Variants in PKIB observed in about 807,000 individuals in gnomAD.
The protein encoded by PKIB is cAMP-dependent protein kinase inhibitor beta.
A neutral mutation model predicts 4.5 loss-of-function variants in PKIB; 2 were observed. That is an observed-to-expected ratio of 0.44 (90% CI 0.18 to 1.39). PKIB has a LOEUF of 1.39. Ranked by LOEUF, PKIB falls within the 40% of genes most tolerant of loss-of-function variation. The pLI, the probability that PKIB is intolerant of heterozygous loss-of-function variation, is 0.27. For missense variants in PKIB, 94 were observed against 92.6 expected (o/e 1.02, Z -0.06); for synonymous variants, 38 against 36.0 (o/e 1.06, Z -0.20).
intron 2 of PKIB, among the ~76,000 whole-genome samples, chr6:122,548,947 G>A (rs1283217106): frequency 6.6e-6 from 1 of 152,138 alleles, no homozygotes; most frequent in African/African-American, 2.4e-5. Flanking sequence ...TCATGTTCTA[G>A]CACACATCCA....
At chr6:122,704,236 CA>C (rs1465482990) in intron 3 of PKIB, among the ~76,000 whole-genome samples, 3 of 151,956 alleles carry the variant, frequency 2.0e-5, no homozygotes, top group African/African-American at 7.2e-5. Flanking sequence ...GTGGCCCGCC[CA>C]TATTGAGAAG....
At chr6:122,689,247 T>C (rs1346588820) in intron 3 of PKIB, among the ~76,000 whole-genome samples, 1 of 152,206 alleles carries the variant, frequency 6.6e-6, no homozygotes, top group Non-Finnish European at 1.5e-5. Context: ...GTGTTATTTC[T>C]TCATTTCAAT....
chr6:122,634,793 T>G (rs573421489), intron 2 of PKIB, among the ~76,000 whole-genome samples: 1 of 152,020 alleles, frequency 6.6e-6, no homozygotes, highest in East Asian at 1.9e-4. Context: ...TACAAAAAAA[T>G]TAGCCGGGTG....
chr6:122,587,561 C>G (rs1027847901), intron 3 of PKIB, among the ~76,000 whole-genome samples: 1 of 152,058 alleles, frequency 6.6e-6, no homozygotes, highest in Non-Finnish European at 1.5e-5. Flanking sequence ...ATGGCTGGGT[C>G]GAATGGTATT....
intron 2 of PKIB, among the ~76,000 whole-genome samples, chr6:122,547,490 C>G (rs1772530319): frequency 1.3e-5 from 2 of 152,038 alleles, no homozygotes; most frequent in Non-Finnish European, 2.9e-5. Context: ...CGCCCGCCAC[C>G]AAGCCCAGCT....
chr6:122,657,707 G>A (rs982506431), intron 2 of PKIB, among the ~76,000 whole-genome samples: 5 of 152,130 alleles, frequency 3.3e-5, no homozygotes, highest in African/African-American at 1.2e-4. Flanking sequence ...GTTGATATTT[G>A]TTGCTCTTTT....
At chr6:122,568,296 G>A (rs1008867927) in intron 2 of PKIB, among the ~76,000 whole-genome samples, 3 of 152,144 alleles carry the variant, frequency 2.0e-5, no homozygotes, top group African/African-American at 7.2e-5. Flanking sequence ...CCAAGAACCA[G>A]TGCAGGAATT....
rs1301610511 is a variant in PKIB, at chr6:122,562,002, T to G, written c.-247-23919T>G. 4.3e-4 allele frequency among the ~76,000 whole-genome samples: 57 copies of G among 131,212 alleles called. 4 individuals carry two copies. Among genetic ancestry groups the G allele is most frequent in the African/African-American group, 1.8e-3 (54 of 29,338 alleles). 86.1% of individuals were successfully genotyped at this position (131,212 alleles called of 152,430 possible). A position where few individuals can be genotyped will look rare whatever the true frequency, so the allele number is the denominator to read the frequency against. On this transcript the variant is annotated intron_variant, in intron 2 of 6. Coordinates refer to the PKIB transcript ENST00000392491. ...TTTTTTTGTTTGTTTTTGTTTTTTT[T>G]TGTTTTTTTTTTTTTTTGCTTTTTA... is the stretch of plus-strand genomic sequence containing the variant.
intron 1 of PKIB, among the ~76,000 whole-genome samples, chr6:122,613,954 T>A (rs1774874471): frequency 2.4e-5 from 2 of 84,106 alleles, no homozygotes; most frequent in Non-Finnish European, 2.4e-5. Context: ...AGAGTGAGAC[T>A]CCATCAAAAA....
At chr6:122,544,751 A>G (rs1291022221) in intron 2 of PKIB, among the ~76,000 whole-genome samples, 3 of 152,232 alleles carry the variant, frequency 2.0e-5, no homozygotes, top group East Asian at 1.9e-4. Context: ...GTATCTGTCA[A>G]TGGTCTAATA....
At position 122,692,109 on chromosome 6, in the gene PKIB, C is replaced by T. The variant is rs564527073; in HGVS notation, c.-9+16965C>T. Among the ~76,000 whole-genome samples, 57 of 152,354 alleles carry T rather than the reference C, an allele frequency of 3.7e-4. 1 individual carries two copies. Among genetic ancestry groups the T allele is most frequent in the African/African-American group, 3.8e-4 (16 of 41,586 alleles). ...AAGGGTGACACAAGCACCCCTGTGA[C>T]CACCAGTGCTGGGACTGCTCTGGGT... On this transcript the variant is annotated intron_variant, in intron 3 of 4. Coordinates refer to ENST00000368452, the MANE Select transcript of PKIB (RefSeq NM_181795.3).
chr6:122,511,768 A>T (rs773246159), intron 2 of PKIB, among the ~76,000 whole-genome samples: 5 of 152,262 alleles, frequency 3.3e-5, no homozygotes, highest in African/African-American at 4.8e-5. Context: ...GCAGTACGTC[A>T]TAGGCGTAAT....
chr6:122,678,849 A>G (rs913518772), intron 3 of PKIB, among the ~76,000 whole-genome samples: 28 of 152,218 alleles, frequency 1.8e-4, no homozygotes, highest in African/African-American at 6.5e-4. Context: ...CACAATATAA[A>G]TGTACAACAT....
intron 2 of PKIB, among the ~76,000 whole-genome samples, chr6:122,504,230 A>G (rs1202955200): frequency 1.3e-5 from 2 of 152,150 alleles, no homozygotes; most frequent in African/African-American, 2.4e-5. Context: ...AATCTGAATT[A>G]TTTCCTTAAA....
chr6:122,552,802 T>A (rs1213402193), intron 2 of PKIB, among the ~76,000 whole-genome samples: 1 of 152,138 alleles, frequency 6.6e-6, no homozygotes, highest in Non-Finnish European at 1.5e-5. Flanking sequence ...AGGCATCCTC[T>A]TTGCATCCAG....
At chr6:122,576,818 T>C (rs966980083) in intron 2 of PKIB, among the ~76,000 whole-genome samples, 2 of 151,036 alleles carry the variant, frequency 1.3e-5, no homozygotes, top group Admixed American at 1.3e-4. Context: ...ATGTGTATTA[T>C]CGCATGTGTT....
chr6:122,689,404 T>C (rs1470877699), intron 3 of PKIB, among the ~76,000 whole-genome samples: 1 of 152,170 alleles, frequency 6.6e-6, no homozygotes, highest in Non-Finnish European at 1.5e-5. Flanking sequence ...TTATTGCTAT[T>C]AACTTCCCTC....
chr6:122,678,576 T>C (rs949749498), intron 3 of PKIB, among the ~76,000 whole-genome samples: 1 of 152,116 alleles, frequency 6.6e-6, no homozygotes, highest in Non-Finnish European at 1.5e-5. Context: ...AGCTCTGGAG[T>C]GCAATTAAGT....
intron 2 of PKIB, among the ~76,000 whole-genome samples, chr6:122,548,970 T>C (rs573190187): frequency 6.6e-6 from 1 of 152,336 alleles, no homozygotes; most frequent in Admixed American, 6.5e-5. Context: ...TCAAAAGCAC[T>C]GTGGGGTTCT....
Sources: allele counts gnomAD v4.1 joint callset (sites outside exome capture counted in the v4.1 genomes callset), GRCh38; gene constraint gnomAD v4.1.1; transcripts MANE v1.5; gene names NCBI Gene and HGNC (gene_info 2026-07-23, HGNC 2026-07-21).